Variants in MYRIP observed in about 807,000 individuals in gnomAD.
The protein encoded by MYRIP is myosin VIIA and Rab interacting protein.
A neutral mutation model predicts 98.0 loss-of-function variants in MYRIP; 49 were observed. The observed-to-expected ratio is 0.50, with a 90% CI of 0.40 to 0.63. MYRIP has a LOEUF of 0.63. Ranked by LOEUF, MYRIP falls within the 30% of genes least tolerant of loss-of-function variation. MYRIP has a pLI of 0.00. For synonymous variants in MYRIP, 404 were observed against 409.5 expected (o/e 0.99, Z 0.16); for missense variants, 1,004 against 1,058.2 (o/e 0.95, Z 0.71).
intron 1 of MYRIP, among the ~76,000 whole-genome samples, chr3:39,856,396 C>T (rs916979478): frequency 6.6e-6 from 1 of 152,198 alleles, no homozygotes; most frequent in Non-Finnish European, 1.5e-5. Flanking sequence ...CAGCCTGTAG[C>T]CTTGCCCAAT....
chr3:39,872,364 T>G (rs1942822735), intron 1 of MYRIP, among the ~76,000 whole-genome samples: 1 of 151,914 alleles, frequency 6.6e-6, no homozygotes, highest in Non-Finnish European at 1.5e-5. Context: ...TACTTTAAGT[T>G]TTAGGGTACA....
intron 16 of MYRIP, among the ~76,000 whole-genome samples, chr3:40,254,376 C>T (rs1436456195): frequency 6.9e-6 from 1 of 145,808 alleles, no homozygotes; most frequent in Non-Finnish European, 1.5e-5. Context: ...CATCAGGTGA[C>T]ACAGACAAAT....
chr3:40,215,696 G>T (rs181681674), intron 11 of MYRIP, among the ~76,000 whole-genome samples: 1 of 152,174 alleles, frequency 6.6e-6, no homozygotes, highest in Non-Finnish European at 1.5e-5. Flanking sequence ...TTCATGTGAG[G>T]CTACAGCACC....
rs779194133 is a variant in MYRIP at position 40,170,033 on chromosome 3, G to T, written c.813G>T (p.Lys271Asn). The T allele has an allele frequency of 6.2e-6, 10 of 1,614,234 alleles. No individual in the cohort carries two copies. The Admixed American group carries it at 1.7e-4, about 27-fold the overall frequency. ...GWPHPQSCSTKVADEGTSASP... is the reference protein window; with the variant it reads ...GWPHPQSCSTNVADEGTSASP... The stretch of plus-strand genomic sequence containing the variant: ...CACATCCCCAGAGTTGCAGCACAAA[G>T]GTGGCAGATGAGGGGACCTCAGCAT... Residue 271 changes from lysine to asparagine, a missense_variant, in exon 8 of 17, where the codon AAG becomes AAT. By Grantham distance (94) the Lys-to-Asn change is moderately conservative. This residue lies in a region of MYRIP where 880 missense variants were observed against 907.7 expected (regional missense o/e 0.97). Coordinates refer to ENST00000302541, the MANE Select transcript of MYRIP (RefSeq NM_015460.4).
chr3:39,950,792 G>A (rs1598998), intron 2 of MYRIP, among the ~76,000 whole-genome samples: 43,804 of 152,010 alleles, frequency 0.29, 6,676 homozygotes, highest in Middle Eastern at 0.4. Context: ...TATATTATAT[G>A]CTATTTGTCA....
chr3:39,960,991 T>A (rs771818633), intron 2 of MYRIP, among the ~76,000 whole-genome samples: 5 of 152,170 alleles, frequency 3.3e-5, no homozygotes, highest in Non-Finnish European at 7.4e-5. Context: ...CCGAATGGAA[T>A]GGCACTTCGC....
At chr3:39,952,505 C>A (rs1945045419) in intron 2 of MYRIP, among the ~76,000 whole-genome samples, 1 of 152,088 alleles carries the variant, frequency 6.6e-6, no homozygotes, top group Non-Finnish European at 1.5e-5. Context: ...TTACAAATCC[C>A]ACTTAATCAT....
intron 2 of MYRIP, among the ~76,000 whole-genome samples, chr3:40,003,605 A>G (rs1398006825): frequency 6.6e-6 from 1 of 152,126 alleles, no homozygotes; most frequent in Non-Finnish European, 1.5e-5. Flanking sequence ...AGCTTCCCTT[A>G]ATGCACCTTT....
intron 2 of MYRIP, among the ~76,000 whole-genome samples, chr3:39,910,096 G>C (rs7624313): frequency 0.44 from 67,262 of 151,764 alleles, 15,152 homozygotes; most frequent in East Asian, 0.54. Flanking sequence ...TCATCATGTT[G>C]GTCAGGCTGG....
At chr3:40,104,426 G>A (rs1949014460) in intron 3 of MYRIP, among the ~76,000 whole-genome samples, 1 of 152,156 alleles carries the variant, frequency 6.6e-6, no homozygotes, top group Admixed American at 6.5e-5. Flanking sequence ...TAAACTTTTA[G>A]AGGTATAGAT....
At chr3:39,857,512 C>G (rs372638923) in intron 1 of MYRIP, among the ~76,000 whole-genome samples, 1 of 151,966 alleles carries the variant, frequency 6.6e-6, no homozygotes, top group African/African-American at 2.4e-5. Flanking sequence ...GAAAGAATCC[C>G]TGAACTCTAA....
intron 3 of MYRIP, among the ~76,000 whole-genome samples, chr3:40,127,670 G>A (rs1464651222): frequency 6.6e-6 from 1 of 152,184 alleles, no homozygotes; most frequent in African/African-American, 2.4e-5. Flanking sequence ...GGGGCACTGA[G>A]CCCCACAGGC....
chr3:39,889,122 G>A (rs548532440), intron 1 of MYRIP, among the ~76,000 whole-genome samples: 42 of 152,268 alleles, frequency 2.8e-4, no homozygotes, highest in African/African-American at 5.8e-4. Flanking sequence ...TCAGTGTGGC[G>A]ATTCCTCAGG....
At chr3:40,155,649 A>G (rs1950217256) in intron 4 of MYRIP, among the ~76,000 whole-genome samples, 1 of 150,890 alleles carries the variant, frequency 6.6e-6, no homozygotes, top group Admixed American at 6.6e-5. Context: ...CCTCTCCAGC[A>G]CCTGTTGTTT....
Position 40,044,032 on chromosome 3 carries a change from C to G in MYRIP, c.111-18C>G, listed in dbSNP as rs1014644891. On this transcript the variant is annotated intron_variant, in intron 2 of 16. Coordinates refer to ENST00000302541, the MANE Select transcript of MYRIP (RefSeq NM_015460.4). The stretch of plus-strand genomic sequence containing the variant: ...GTGTTTCTCTCCTCCTCCCATTTCC[C>G]CTACCTTGGTTTCCCAGTGAGCTGA... The G allele has an allele frequency of 1.9e-6, 3 of 1,611,392 alleles. No individual in the cohort carries two copies. Among genetic ancestry groups the G allele is most frequent in the Non-Finnish European group, 2.5e-6 (3 of 1,178,434 alleles).
At chr3:40,121,210 A>G (rs1416597267) in intron 3 of MYRIP, among the ~76,000 whole-genome samples, 1 of 152,172 alleles carries the variant, frequency 6.6e-6, no homozygotes, top group African/African-American at 2.4e-5. Context: ...CACCTAGAAG[A>G]GTCCTAGAAG....
At chr3:40,077,504 TA>T (rs1948373451) in intron 3 of MYRIP, among the ~76,000 whole-genome samples, 1 of 152,220 alleles carries the variant, frequency 6.6e-6, no homozygotes, top group Admixed American at 6.5e-5. Flanking sequence ...ATTAGCTAGA[TA>T]CTGTGTGTGG....
At chr3:39,819,812 AG>A (rs1318852026) in intron 1 of MYRIP, among the ~76,000 whole-genome samples, 1 of 152,264 alleles carries the variant, frequency 6.6e-6, no homozygotes, top group East Asian at 1.9e-4. Context: ...CTGCAGGGAA[AG>A]TAAAAAGAAC....
intron 2 of MYRIP, among the ~76,000 whole-genome samples, chr3:39,903,512 C>T (rs762127203): frequency 2.0e-5 from 3 of 151,968 alleles, no homozygotes; most frequent in Non-Finnish European, 2.9e-5. Flanking sequence ...TCAGTTCAGA[C>T]GTTAAGTGTA....
Sources: gnomAD v4.1 joint callset for allele counts (sites outside exome capture counted in the v4.1 genomes callset) on GRCh38, gnomAD v4.1.1 for gene constraint, gnomAD v4.1.1 regional missense constraint, MANE v1.5 for transcripts, NCBI Gene and HGNC (gene_info 2026-07-23, HGNC 2026-07-21) for gene names.